STAG1: variants seen among roughly 807,000 people sequenced by gnomAD.
STAG1 encodes the protein STAG1 cohesin complex component, also known as cohesin subunit SA-1.
A neutral mutation model predicts 170.9 loss-of-function variants in STAG1; 26 were observed. The ratio of observed to expected loss-of-function variants is 0.15; its 90% CI spans 0.11 to 0.21. STAG1 has a LOEUF of 0.21. Ranked by LOEUF, STAG1 falls within the 10% of genes least tolerant of loss-of-function variation. The pLI, the probability that STAG1 is intolerant of heterozygous loss-of-function variation, is 1.00. For synonymous variants in STAG1, 514 were observed against 497.7 expected (o/e 1.03, Z -0.44); for missense variants, 964 against 1,509.5 (o/e 0.64, Z 5.99).
At chr3:136,355,131 T>C (rs1329891443) in intron 28 of STAG1, among the ~76,000 whole-genome samples, 1 of 151,786 alleles carries the variant, frequency 6.6e-6, no homozygotes, top group Non-Finnish European at 1.5e-5. Flanking sequence ...GGTGGGCAGA[T>C]TACTTGAGAT....
chr3:136,579,361 A>G (rs539939192), intron 4 of STAG1, among the ~76,000 whole-genome samples: 1 of 151,838 alleles, frequency 6.6e-6, no homozygotes, highest in East Asian at 1.9e-4. Context: ...ATATCTCACA[A>G]TTTCTGTGGA....
chr3:136,689,440 C>A (rs776298520), intron 1 of STAG1, among the ~76,000 whole-genome samples: 7 of 152,120 alleles, frequency 4.6e-5, no homozygotes, highest in Non-Finnish European at 1.0e-4. Flanking sequence ...TAAAAGAAAT[C>A]AATTTGTCAG....
chr3:136,537,291 A>G (rs1488680162), intron 6 of STAG1, among the ~76,000 whole-genome samples: 2 of 152,174 alleles, frequency 1.3e-5, no homozygotes, highest in Non-Finnish European at 2.9e-5. Flanking sequence ...TATTTAATAT[A>G]CAGAATAAGC....
At chr3:136,420,244 CAAA>C (rs71157379) in intron 20 of STAG1, among the ~76,000 whole-genome samples, 2 of 36,956 alleles carry the variant, frequency 5.4e-5, no homozygotes, top group Non-Finnish European at 1.1e-4. Context: ...GAGACTCTGT[CAAA>C]AAAAAAAAAA....
chr3:136,404,393 G>A, intron 21 of STAG1, among the ~76,000 whole-genome samples: 1 of 152,118 alleles, frequency 6.6e-6, no homozygotes, highest in Non-Finnish European at 1.5e-5. Flanking sequence ...AAATTAACAA[G>A]TAGGAGTGCC....
At chr3:136,674,553 G>A (rs943378715) in intron 1 of STAG1, among the ~76,000 whole-genome samples, 2 of 152,092 alleles carry the variant, frequency 1.3e-5, no homozygotes, top group African/African-American at 2.4e-5. Context: ...TGCTAGAAAC[G>A]TTTTCATCTT....
intron 23 of STAG1, among the ~76,000 whole-genome samples, chr3:136,377,130 T>C (rs1179831249): frequency 6.9e-6 from 1 of 145,924 alleles, no homozygotes; most frequent in East Asian, 2.2e-4. Context: ...CCGGGCACGG[T>C]GGCTCACGCC....
chr3:136,590,526 A>G (rs980489434), intron 4 of STAG1, among the ~76,000 whole-genome samples: 1 of 151,974 alleles, frequency 6.6e-6, no homozygotes, highest in Non-Finnish European at 1.5e-5. Flanking sequence ...AAAACAAAAA[A>G]ACTAAAAGAC....
intron 1 of STAG1, among the ~76,000 whole-genome samples, chr3:136,717,648 G>T (rs1374631733): frequency 6.6e-6 from 1 of 152,148 alleles, no homozygotes; most frequent in African/African-American, 2.4e-5. Context: ...TGGGCAACAA[G>T]AGTGAAACTC....
rs749325884 is a variant in STAG1 at position 136,579,958 on chromosome 3, A to ATTTTTTTTTTTTTTTTTTTT, written c.298-11117_298-11098dup. 4.1e-4 allele frequency among the ~76,000 whole-genome samples: 30 copies of ATTTTTTTTTTTTTTTTTTTT among 73,646 alleles called. 7 individuals carry two copies. Among genetic ancestry groups the ATTTTTTTTTTTTTTTTTTTT allele is most frequent in the South Asian group, 1.1e-3 (2 of 1,844 alleles). The allele number at this position is 73,646 out of a possible 152,430, so 48.3% of individuals were successfully genotyped here. On this transcript the variant is annotated intron_variant, in intron 4 of 33. Transcript: ENST00000383202. ...CTATTTTGGTCACAATACCATCTGA[A>ATTTTTTTTTTTTTTTTTTTT]TTTTTTTTTTTTTTTTTTTTTTTTT...
At chr3:136,652,883 A>G (rs998469761) in intron 1 of STAG1, among the ~76,000 whole-genome samples, 1 of 152,152 alleles carries the variant, frequency 6.6e-6, no homozygotes, top group Non-Finnish European at 1.5e-5. Context: ...ATGCTACTAG[A>G]TGAAGTAGCA....
intron 1 of STAG1, among the ~76,000 whole-genome samples, chr3:136,650,654 T>C (rs563483920): frequency 1.3e-5 from 2 of 152,316 alleles, no homozygotes; most frequent in South Asian, 2.1e-4. Context: ...AAGCTATCTA[T>C]ATAAATGTTA....
intron 4 of STAG1, among the ~76,000 whole-genome samples, chr3:136,581,045 G>A (rs1370198540): frequency 6.6e-6 from 1 of 151,718 alleles, no homozygotes; most frequent in African/African-American, 2.4e-5. Context: ...GTAGAGATGA[G>A]GTCTCATTAT....
intron 14 of STAG1, among the ~76,000 whole-genome samples, chr3:136,445,052 G>A (rs533751377): frequency 6.6e-6 from 1 of 151,204 alleles, no homozygotes; most frequent in Non-Finnish European, 1.5e-5. Context: ...TAGAGACGGG[G>A]TTACCATGTT....
chr3:136,416,858 T>C (rs1302944884), intron 21 of STAG1, among the ~76,000 whole-genome samples: 2 of 150,718 alleles, frequency 1.3e-5, no homozygotes, highest in East Asian at 1.9e-4. Context: ...TTTTTTTTTT[T>C]TTTTTGAGAC....
intron 1 of STAG1, among the ~76,000 whole-genome samples, chr3:136,723,845 C>A (rs1459208229): frequency 6.1e-5 from 9 of 147,210 alleles, no homozygotes; most frequent in African/African-American, 1.8e-4. Context: ...GGGGTCAGCC[C>A]CCCGCCCGGC....
chr3:136,728,638 A>G (rs1933825286), intron 1 of STAG1, among the ~76,000 whole-genome samples: 1 of 152,222 alleles, frequency 6.6e-6, no homozygotes. Flanking sequence ...ATATAATGTT[A>G]TTATGTTCCT....
At chr3:136,552,398 A>ATAAATAAAT (rs1936443510) in intron 5 of STAG1, among the ~76,000 whole-genome samples, 1 of 152,242 alleles carries the variant, frequency 6.6e-6, no homozygotes, top group African/African-American at 2.4e-5. Flanking sequence ...ATGATATTGT[A>ATAAATAAAT]AACAATATTA....
At chr3:136,457,352 T>C (rs1021318698) in intron 13 of STAG1, among the ~76,000 whole-genome samples, 4 of 152,158 alleles carry the variant, frequency 2.6e-5, no homozygotes, top group African/African-American at 7.2e-5. Flanking sequence ...GAGCATATTT[T>C]ATATGCATCA....
Sources: gnomAD v4.1 joint callset for allele counts (sites outside exome capture counted in the v4.1 genomes callset) on GRCh38, gnomAD v4.1.1 for gene constraint, MANE v1.5 for transcripts, NCBI Gene and HGNC (gene_info 2026-07-23, HGNC 2026-07-21) for gene names.